The following RARB variants were observed in gnomAD, a reference collection of about 807,000 sequenced individuals.
The protein encoded by RARB is retinoic acid receptor beta, also known as HBV-activated protein.
A neutral mutation model predicts 51.9 loss-of-function variants in RARB; 17 were observed. That is an observed-to-expected ratio of 0.33 (90% CI 0.22 to 0.49). The LOEUF is 0.49. Among genes scored for constraint, RARB ranks in the 20% least tolerant of loss-of-function variants. RARB has a pLI of 0.99. For synonymous variants in RARB, 215 were observed against 195.4 expected, an observed-to-expected ratio of 1.10 and a Z score of -0.84; for missense variants, 369 against 550.8, an observed-to-expected ratio of 0.67 and a Z score of 3.30.
At chr3:25,112,727 A>T (rs1174707387) in intron 3 of RARB, among the ~76,000 whole-genome samples, 1 of 152,180 alleles carries the variant, frequency 6.6e-6, no homozygotes, top group Non-Finnish European at 1.5e-5. Flanking sequence ...GCAGTGAGCC[A>T]TAATAGCACC....
chr3:24,955,340 T>C (rs1695990151), intron 2 of RARB, among the ~76,000 whole-genome samples: 1 of 151,574 alleles, frequency 6.6e-6, no homozygotes, highest in East Asian at 2.0e-4. Context: ...CTTTGCCAGC[T>C]GAGGTCTGGG....
At chr3:25,210,941 CCAGA>C (rs1701681619) in intron 5 of RARB, among the ~76,000 whole-genome samples, 1 of 152,086 alleles carries the variant, frequency 6.6e-6, no homozygotes, top group South Asian at 2.1e-4. Context: ...TTCTTCTGGT[CCAGA>C]CACTTATTTG....
chr3:24,901,431 G>A (rs980314164), intron 2 of RARB, among the ~76,000 whole-genome samples: 3 of 152,080 alleles, frequency 2.0e-5, no homozygotes, highest in Non-Finnish European at 2.9e-5. Flanking sequence ...TTTTGAGACA[G>A]GACCTCACTA....
At chr3:24,906,890 A>G (rs1274465787) in intron 2 of RARB, among the ~76,000 whole-genome samples, 3 of 151,292 alleles carry the variant, frequency 2.0e-5, no homozygotes, top group Non-Finnish European at 4.4e-5. Context: ...CACTAATCAT[A>G]TGAGTCAAAT....
At chr3:25,126,267 C>T (rs929203273) in intron 3 of RARB, among the ~76,000 whole-genome samples, 1 of 151,996 alleles carries the variant, frequency 6.6e-6, no homozygotes, top group African/African-American at 2.4e-5. Flanking sequence ...ACCACAAAAC[C>T]CTGAAGCCTG....
chr3:25,353,254 A>T (rs1370973068), intron 5 of RARB, among the ~76,000 whole-genome samples: 1 of 152,156 alleles, frequency 6.6e-6, no homozygotes, highest in Non-Finnish European at 1.5e-5. Context: ...CCAGCTCTGA[A>T]TTCTCACAGT....
chr3:25,234,798 A>G (rs1702265180), intron 5 of RARB, among the ~76,000 whole-genome samples: 1 of 152,134 alleles, frequency 6.6e-6, no homozygotes, highest in African/African-American at 2.4e-5. Flanking sequence ...AGAAAAAATT[A>G]TGAAGATTTC....
chr3:25,442,480 G>A (rs1353788243), intron 1 of RARB, among the ~76,000 whole-genome samples: 3 of 152,106 alleles, frequency 2.0e-5, no homozygotes, highest in Non-Finnish European at 4.4e-5. Context: ...GCCACACATG[G>A]CTAGTGGCTA....
At chr3:24,973,182 T>G (rs115917701) in intron 2 of RARB, among the ~76,000 whole-genome samples, 130 of 152,180 alleles carry the variant, frequency 8.5e-4, no homozygotes, top group African/African-American at 3.0e-3. Context: ...CCTAGTTCAT[T>G]CTTCTGCACA....
intron 5 of RARB, among the ~76,000 whole-genome samples, chr3:25,238,120 C>A (rs1281887550): frequency 6.6e-6 from 1 of 151,770 alleles, no homozygotes; most frequent in African/African-American, 2.4e-5. Flanking sequence ...ATGTTTGTAC[C>A]TATTAACCAA....
intron 5 of RARB, among the ~76,000 whole-genome samples, chr3:25,306,587 G>A (rs979346272): frequency 2.0e-5 from 3 of 151,870 alleles, no homozygotes; most frequent in African/African-American, 7.3e-5. Flanking sequence ...GCATTGGAAT[G>A]CTGCAACTGA....
chr3:24,859,956 TG>T (rs1702715968), intron 2 of RARB, among the ~76,000 whole-genome samples: 1 of 151,702 alleles, frequency 6.6e-6, no homozygotes, highest in Non-Finnish European at 1.5e-5. Flanking sequence ...TCTCAAAGGT[TG>T]GGAATAAAAA....
intron 3 of RARB, among the ~76,000 whole-genome samples, chr3:25,514,849 A>G (rs759241371): frequency 5.9e-5 from 9 of 152,228 alleles, no homozygotes; most frequent in Non-Finnish European, 8.8e-5. Context: ...GTGAAAGGTA[A>G]TAAGTGAAGG....
intron 2 of RARB, among the ~76,000 whole-genome samples, chr3:24,937,857 T>G (rs2125397877): frequency 6.6e-6 from 1 of 152,220 alleles, no homozygotes; most frequent in Non-Finnish European, 1.5e-5. Flanking sequence ...AATCTAGATT[T>G]TTTGTTTCTT....
intron 5 of RARB, among the ~76,000 whole-genome samples, chr3:25,374,085 C>T (rs1174528411): frequency 6.6e-6 from 1 of 152,154 alleles, no homozygotes; most frequent in Non-Finnish European, 1.5e-5. Flanking sequence ...TACTTAACCT[C>T]CAGAGGCCCA....
chr3:24,896,157 G>A (rs1307429840), intron 2 of RARB, among the ~76,000 whole-genome samples: 1 of 152,198 alleles, frequency 6.6e-6, no homozygotes, highest in Non-Finnish European at 1.5e-5. Context: ...ACCTGGAATT[G>A]TGAAAATCCT....
At chr3:25,376,429 C>G (rs114728531) in intron 5 of RARB, among the ~76,000 whole-genome samples, 2,987 of 152,266 alleles carry the variant, frequency 0.02, 90 homozygotes, top group African/African-American at 0.064. Flanking sequence ...TGAGTAATTA[C>G]CAGTCTTTAT....
intron 5 of RARB, among the ~76,000 whole-genome samples, chr3:25,588,174 A>T (rs1328217107): frequency 6.6e-6 from 1 of 152,246 alleles, no homozygotes; most frequent in Non-Finnish European, 1.5e-5. Flanking sequence ...ACTACACAGC[A>T]GTGAAAAAGA....
At chr3:25,134,134 G>A (rs1699995424) in intron 4 of RARB, among the ~76,000 whole-genome samples, 1 of 151,852 alleles carries the variant, frequency 6.6e-6, no homozygotes. Context: ...TTTGGTTACT[G>A]GAAATTTACT....
Sources: gnomAD v4.1 joint callset for allele counts (sites outside exome capture counted in the v4.1 genomes callset) on GRCh38, gnomAD v4.1.1 for gene constraint, MANE v1.5 for transcripts, NCBI Gene and HGNC (gene_info 2026-07-23, HGNC 2026-07-21) for gene names.